FAM120B: variants seen among roughly 807,000 people sequenced by gnomAD.
FAM120B encodes the protein family with sequence similarity 120 member B, also known as constitutive coactivator of peroxisome proliferator-activated receptor gamma.
In FAM120B, 83 loss-of-function variants were observed where a neutral mutation model predicts 96.3. That is an observed-to-expected ratio of 0.86 (90% CI 0.72 to 1.03). The LOEUF (loss-of-function observed/expected upper bound fraction) is 1.03. Ranked by LOEUF, FAM120B falls within the 50% of genes least tolerant of loss-of-function variation. The pLI is 0.00. For synonymous variants in FAM120B, 407 were observed against 402.7 expected (o/e 1.01, Z -0.13); for missense variants, 1,027 against 1,121.2 (o/e 0.92, Z 1.20).
upstream of FAM120B, among the ~76,000 whole-genome samples, chr6:170,304,358 C>A (rs1029099200): frequency 6.6e-6 from 1 of 152,140 alleles, no homozygotes; most frequent in African/African-American, 2.4e-5. Flanking sequence ...CTCTGAAGAT[C>A]TTTTCTTTAT....
chr6:170,356,112 C>T (rs1179183904), intron 5 of FAM120B, among the ~76,000 whole-genome samples: 2 of 152,102 alleles, frequency 1.3e-5, no homozygotes, highest in Non-Finnish European at 2.9e-5. Context: ...CAGAAAAAGC[C>T]CAGGACCCCA....
At position 170,317,998 on chromosome 6, in the gene FAM120B, C is replaced by T. The variant is rs374637654; in HGVS notation, c.608C>T (p.Thr203Ile). 62 of 1,613,574 alleles carry T rather than the reference C, an allele frequency of 3.8e-5. No individual in the cohort carries two copies. The highest frequency in any genetic ancestry group is 5.5e-5 in the South Asian group (5 of 91,044). Residue 203 changes from threonine (T) to isoleucine (I), a missense_variant, in exon 2 of 11, where the codon ACC becomes ATC. Coordinates refer to ENST00000476287, the MANE Select transcript of FAM120B (RefSeq NM_032448.3). ...GAGCTCTGCCTAGAGAGCCTGGACA[C>T]CGTCATGCTCTGCAGAGAGAAGCTC... ...ISELCLESLD[T>I]VMLCREKLCE... is the part of the protein sequence containing the mutation.
At chr6:170,344,659 C>T (rs114214863) in intron 4 of FAM120B, among the ~76,000 whole-genome samples, 2,170 of 152,366 alleles carry the variant, frequency 0.014, 62 homozygotes, top group African/African-American at 0.05. Context: ...GTCCGTAGAT[C>T]TGGAGTCCCA....
chr6:170,371,875 G>A (rs187251907), intron 6 of FAM120B, among the ~76,000 whole-genome samples: 222 of 152,316 alleles, frequency 1.5e-3, no homozygotes, highest in African/African-American at 5.1e-3. Context: ...TTGGAGCAGA[G>A]AAGAGATGGA....
upstream of FAM120B, chr6:170,291,031 G>A (rs1207515105): frequency 3.0e-5 from 21 of 701,802 alleles, 1 homozygote; most frequent in East Asian, 4.8e-4. Context: ...TGTCACAAAG[G>A]AGCCACTTTT....
intron 6 of FAM120B, among the ~76,000 whole-genome samples, chr6:170,361,213 T>TATATATATATACAC: frequency 9.9e-6 from 1 of 100,524 alleles, no homozygotes; most frequent in East Asian, 1.7e-3. Flanking sequence ...TATATATATA[T>TATATATATATACAC]ATATATATAT....
intron 5 of FAM120B, among the ~76,000 whole-genome samples, chr6:170,349,149 C>G (rs1037367664): frequency 2.0e-4 from 31 of 152,168 alleles, no homozygotes; most frequent in Admixed American, 2.6e-4. Context: ...TTGCTCCTCC[C>G]CACCTCCCTC....
At chr6:170,367,659 A>G (rs1788888333) in intron 6 of FAM120B, among the ~76,000 whole-genome samples, 1 of 152,272 alleles carries the variant, frequency 6.6e-6, no homozygotes, top group African/African-American at 2.4e-5. Flanking sequence ...ACGCACACAC[A>G]GTGACAGTAA....
chr6:170,331,214 A>G (rs1016269720), intron 4 of FAM120B, among the ~76,000 whole-genome samples: 2 of 152,174 alleles, frequency 1.3e-5, no homozygotes, highest in Non-Finnish European at 2.9e-5. Context: ...TTCTACACAC[A>G]AACAGTTAAG....
At chr6:170,365,927 G>A (rs189147664) in intron 6 of FAM120B, among the ~76,000 whole-genome samples, 100 of 152,302 alleles carry the variant, frequency 6.6e-4, no homozygotes, top group Admixed American at 6.5e-3. Context: ...GACAGGCTCA[G>A]CAGGTGTTGG....
At chr6:170,365,365 G>C (rs1299531038) in intron 6 of FAM120B, among the ~76,000 whole-genome samples, 1 of 152,114 alleles carries the variant, frequency 6.6e-6, no homozygotes, top group Non-Finnish European at 1.5e-5. Context: ...TGGTCTGCAG[G>C]GTTCCTTCTC....
Position 170,404,563 on chromosome 6 carries a change from T to A in FAM120B, c.2706T>A (p.Tyr902Ter). ...WRDQGPGSRQ[Y>*]EHDQWRRY is the part of the protein sequence containing the mutation. The stretch of plus-strand genomic sequence containing the variant: ...TGTTTACTGCAGGAAGCAGACAGTA[T>A]GAGCATGACCAGTGGAGAAGGTACT... The change falls in exon 10 of 11, where the codon TAT becomes TAA. Residue 902 changes from tyrosine to a stop codon, truncating the protein, a stop_gained. Coordinates refer to ENST00000476287, the MANE Select transcript of FAM120B (RefSeq NM_032448.3). LOFTEE classifies it high-confidence loss of function. 6.2e-7 allele frequency: 1 copy of A among 1,614,066 alleles called. No homozygotes were observed. The highest frequency in any genetic ancestry group is 8.5e-7 in the Non-Finnish European group (1 of 1,179,950).
At chr6:170,360,505 G>A (rs1788280341) in intron 6 of FAM120B, among the ~76,000 whole-genome samples, 1 of 152,130 alleles carries the variant, frequency 6.6e-6, no homozygotes, top group Non-Finnish European at 1.5e-5. Flanking sequence ...TAAAGATGCT[G>A]TAGAAAAAGG....
chr6:170,361,206 A>ACG (rs1554286388), intron 6 of FAM120B, among the ~76,000 whole-genome samples: 11 of 81,106 alleles, frequency 1.4e-4, no homozygotes, highest in African/African-American at 4.6e-4. Context: ...GTGTATATAT[A>ACG]TATATATATA....
Position 170,318,078 on chromosome 6 carries a change from G to C in FAM120B, c.688G>C (p.Gly230Arg), listed in dbSNP as rs1785018491. 2 of 1,614,132 alleles carry C rather than the reference G, an allele frequency of 1.2e-6. No homozygotes were observed. Among genetic ancestry groups the C allele is most frequent in the Non-Finnish European group, 1.7e-6 (2 of 1,180,022 alleles). ...ADLPLLACLL[G>R]NDIIPEGMFE... Reference sequence around the variant, plus strand: ...CCTTCCTCTTCTGGCCTGCCTCCTTGGCAACGACATAATCCCAGAGGGCAT... The same window carrying C: ...CCTTCCTCTTCTGGCCTGCCTCCTTCGCAACGACATAATCCCAGAGGGCAT... Residue 230 changes from glycine (G) to arginine (R), a missense_variant, in exon 2 of 11, where the codon GGC becomes CGC. Around this residue, in one of 3 missense-constraint regions of FAM120B, gnomAD observed 880 missense variants for 980.9 expected, o/e 0.90. Transcript: ENST00000476287.
At chr6:170,343,325 G>A (rs2115118530) in intron 4 of FAM120B, among the ~76,000 whole-genome samples, 1 of 152,236 alleles carries the variant, frequency 6.6e-6, no homozygotes, top group Middle Eastern at 3.4e-3. Context: ...AGGATGTTCC[G>A]TTGTGGTAGT....
chr6:170,320,668 C>G (rs1785227351), intron 2 of FAM120B, among the ~76,000 whole-genome samples: 1 of 152,142 alleles, frequency 6.6e-6, no homozygotes, highest in African/African-American at 2.4e-5. Flanking sequence ...AACACATGTT[C>G]TCGTAGTGAA....
rs1380003688 is a variant in FAM120B, at chr6:170,404,580, G to C, written c.2723G>C (p.Arg908Thr). The C allele has an allele frequency of 6.2e-7, 1 of 1,613,812 alleles. No individual in the cohort carries two copies. Reference protein sequence around the residue: ...GSRQYEHDQWRRY With the variant: ...GSRQYEHDQWTRY ...AGACAGTATGAGCATGACCAGTGGA[G>C]AAGGTACTAGTCAACCTCCAGGTAA... Residue 908 changes from arginine (R) to threonine (T), a missense_variant, in exon 10 of 11, where the codon AGA (arginine) becomes ACA (threonine). By Grantham distance (71) the Arg-to-Thr change is moderately conservative. Around this residue, in one of 3 missense-constraint regions of FAM120B, gnomAD observed 142 missense variants for 122.5 expected, o/e 1.16. Transcript: ENST00000476287.
At chr6:170,297,685 C>A (rs1475458651) in intron 1 of FAM120B, among the ~76,000 whole-genome samples, 1 of 151,704 alleles carries the variant, frequency 6.6e-6, no homozygotes, top group Non-Finnish European at 1.5e-5. Context: ...AGGTTGGGGG[C>A]CCGTGCTGGG....
Sources: allele counts gnomAD v4.1 joint callset (sites outside exome capture counted in the v4.1 genomes callset), GRCh38; gene constraint gnomAD v4.1.1; regional missense constraint gnomAD v4.1.1; transcripts MANE v1.5; gene names NCBI Gene and HGNC (gene_info 2026-07-23, HGNC 2026-07-21).